Variants in LRPPRC observed in about 807,000 individuals in gnomAD.
LRPPRC encodes leucine rich pentatricopeptide repeat containing.
A neutral mutation model predicts 180.3 loss-of-function variants in LRPPRC; 120 were observed. That is an observed-to-expected ratio of 0.67 (90% CI 0.57 to 0.77). LRPPRC has a LOEUF of 0.77. LRPPRC is among the 30% of genes least tolerant of loss of function. The probability of loss-of-function intolerance (pLI) is 0.00; values close to 1 mark genes in which losing one functional copy is unlikely to be tolerated. For missense variants in LRPPRC, 2,012 were observed against 1,657.2 expected, an observed-to-expected ratio of 1.21 and a Z score of -3.72; for synonymous variants, 723 against 600.0, an observed-to-expected ratio of 1.21 and a Z score of -3.00.
At chr2:43,955,110 C>T (rs990838733) in intron 14 of LRPPRC, among the ~76,000 whole-genome samples, 2 of 151,972 alleles carry the variant, frequency 1.3e-5, no homozygotes, top group Non-Finnish European at 1.5e-5. Flanking sequence ...TTATAATATG[C>T]ATCTTTTGCA....
rs767680021 is a variant in LRPPRC at position 43,889,750 on chromosome 2, G to C, written c.4112C>G (p.Pro1371Arg). Residue 1371 changes from proline to arginine, a missense_variant, in exon 37 of 38, where the codon CCT becomes CGT. Physicochemically the swap from Pro to Arg is moderately radical, Grantham distance 103. Coordinates refer to ENST00000260665, the MANE Select transcript of LRPPRC (RefSeq NM_133259.4). ...AATACTCACAGGGGGTTCAATGAAA[G>C]GGACAGGCTCTCCAGCATACTTCAG... ...SLLKYAGEPV[P>R]FIEPPESFEF... The C allele has an allele frequency of 2.5e-6, 4 of 1,613,112 alleles. No homozygotes were observed. The highest frequency in any genetic ancestry group is 2.7e-5 in the African/African-American group (2 of 74,910).
intron 1 of LRPPRC, among the ~76,000 whole-genome samples, chr2:43,994,510 G>A (rs1431035538): frequency 6.6e-6 from 1 of 152,162 alleles, no homozygotes; most frequent in Non-Finnish European, 1.5e-5. Context: ...TATAGCTAAG[G>A]AAGCTGAGGC....
intron 3 of LRPPRC, among the ~76,000 whole-genome samples, chr2:43,979,441 G>A (rs556958715): frequency 5.8e-4 from 88 of 152,048 alleles, no homozygotes; most frequent in African/African-American, 2.1e-3. Context: ...TATTTGAATT[G>A]GTTCCAATTT....
intron 27 of LRPPRC, among the ~76,000 whole-genome samples, chr2:43,919,330 A>G (rs548464405): frequency 6.6e-6 from 1 of 152,326 alleles, no homozygotes; most frequent in Non-Finnish European, 1.5e-5. Flanking sequence ...GCTGCCGTAT[A>G]GTACACAGCT....
intron 25 of LRPPRC, among the ~76,000 whole-genome samples, chr2:43,926,964 C>T (rs1471488258): frequency 2.0e-5 from 3 of 152,168 alleles, no homozygotes; most frequent in African/African-American, 7.2e-5. Flanking sequence ...ATGTTATATC[C>T]TCAATTAGAA....
chr2:43,994,607 G>C (rs747726460), intron 1 of LRPPRC, among the ~76,000 whole-genome samples: 12 of 97,836 alleles, frequency 1.2e-4, no homozygotes, highest in Non-Finnish European at 2.4e-4. Flanking sequence ...GCTGCAGTCT[G>C]GGCCCAGCCT....
At position 43,928,199 on chromosome 2, in the gene LRPPRC, T is replaced by C. The variant is rs559062506; in HGVS notation, c.2737-2238A>G. 4.8e-4 allele frequency among the ~76,000 whole-genome samples: 73 copies of C among 152,346 alleles called. 1 individual carries two copies. The highest frequency in any genetic ancestry group is 1.7e-3 in the African/African-American group (70 of 41,586). On this transcript the variant is annotated intron_variant, in intron 25 of 37. Transcript: ENST00000260665. ...ACTTTCTGCAGTTGCAATTCACTAC[T>C]AGGTTTACTTGTATAGGGGAAAAAA...
rs1304728131 is a variant in LRPPRC at position 43,924,043 on chromosome 2, A to G, written c.2896+1024T>C. ...TGAAGTATGTATTTCAATACAACCA[A>G]AAACTGGAATGTAAAATTTTAAGCA... On this transcript the variant is annotated intron_variant, in intron 27 of 37. Coordinates refer to ENST00000260665, the MANE Select transcript of LRPPRC (RefSeq NM_133259.4). Among the ~76,000 whole-genome samples, 7 of 152,340 alleles carry G rather than the reference A, an allele frequency of 4.6e-5. No individual in the cohort carries two copies. In the East Asian group the frequency reaches 1.3e-3, roughly 29 times the overall value.
intron 11 of LRPPRC, among the ~76,000 whole-genome samples, chr2:43,966,441 G>C (rs868529368): frequency 1.3e-5 from 2 of 149,798 alleles, no homozygotes; most frequent in South Asian, 4.2e-4. Flanking sequence ...ACGGAGTTTC[G>C]CTCTTGTTGT....
intron 33 of LRPPRC, 29 bp downstream of exon 33, chr2:43,899,437 G>T (rs759598668): frequency 6.2e-7 from 1 of 1,613,640 alleles, no homozygotes; most frequent in East Asian, 2.2e-5. Context: ...ATGTGCTTGT[G>T]TGTTCTTTAG....
intron 1 of LRPPRC, among the ~76,000 whole-genome samples, chr2:43,991,554 C>G (rs914991171): frequency 6.6e-6 from 1 of 152,130 alleles, no homozygotes. Flanking sequence ...AAAACCATCA[C>G]ACAAAGAATA....
intron 8 of LRPPRC, 34 bp from the exon 9 acceptor site, chr2:43,974,329 A>C: frequency 6.6e-7 from 1 of 1,519,056 alleles, no homozygotes; most frequent in Non-Finnish European, 9.1e-7. Flanking sequence ...TTTGTTAATA[A>C]ACTGAACAAT....
chr2:43,915,230 TCTCA>T (rs1437852283), intron 29 of LRPPRC, among the ~76,000 whole-genome samples: 9 of 47,442 alleles, frequency 1.9e-4, no homozygotes, highest in East Asian at 2.0e-3. Context: ...TCTCTCTCTC[TCTCA>T]CACACACACA....
At chr2:43,951,314 T>C (rs1265832170) in intron 14 of LRPPRC, among the ~76,000 whole-genome samples, 3 of 152,226 alleles carry the variant, frequency 2.0e-5, no homozygotes, top group Non-Finnish European at 4.4e-5. Flanking sequence ...CAAAGAGCTT[T>C]AATTCCAAGG....
intron 27 of LRPPRC, among the ~76,000 whole-genome samples, chr2:43,922,723 TG>T (rs1671741676): frequency 6.6e-6 from 1 of 152,182 alleles, no homozygotes; most frequent in African/African-American, 2.4e-5. Context: ...CACTCCAGCC[TG>T]GGCAACACAG....
rs115936687 is a variant in LRPPRC, at chr2:43,918,866, T to C, written c.2897-468A>G. Among the ~76,000 whole-genome samples the C allele has an allele frequency of 8.1e-3, 1,213 of 149,150 alleles. 6 individuals carry two copies. Among genetic ancestry groups the C allele is most frequent in the Non-Finnish European group, 0.014 (923 of 67,424 alleles). On this transcript the variant is annotated intron_variant, in intron 27 of 37. Transcript: ENST00000260665. The stretch of plus-strand genomic sequence containing the variant: ...ATATATAGAGATATATATATAGATA[T>C]AGATAGATAGATATATGGCATATGC...
At chr2:43,911,290 A>G (rs977284846) in intron 30 of LRPPRC, among the ~76,000 whole-genome samples, 4 of 151,966 alleles carry the variant, frequency 2.6e-5, no homozygotes, top group African/African-American at 9.7e-5. Flanking sequence ...CAACACACAT[A>G]TACACACAGA....
chr2:43,954,905 T>A (rs916688366), intron 14 of LRPPRC, among the ~76,000 whole-genome samples: 1 of 152,284 alleles, frequency 6.6e-6, no homozygotes, highest in Middle Eastern at 3.4e-3. Context: ...ATGAGTAGTA[T>A]GTAAAGTATG....
At chr2:43,906,067 G>A (rs1572901262) in intron 30 of LRPPRC, among the ~76,000 whole-genome samples, 2 of 152,018 alleles carry the variant, frequency 1.3e-5, no homozygotes, top group East Asian at 3.9e-4. Flanking sequence ...TGACATATTA[G>A]ATGACTAAAA....
Sources: gnomAD v4.1 joint callset for allele counts (sites outside exome capture counted in the v4.1 genomes callset) on GRCh38, gnomAD v4.1.1 for gene constraint, MANE v1.5 for transcripts, NCBI Gene and HGNC (gene_info 2026-07-23, HGNC 2026-07-21) for gene names.